Variants in MTPAP observed in about 807,000 individuals in gnomAD.
The protein encoded by MTPAP is mitochondrial poly(A) polymerase, also known as poly(A) RNA polymerase, mitochondrial.
A neutral mutation model predicts 48.7 loss-of-function variants in MTPAP; 23 were observed. That is an observed-to-expected ratio of 0.47 (90% CI 0.34 to 0.67). The LOEUF is 0.67. Ranked by LOEUF, MTPAP falls within the 30% of genes least tolerant of loss-of-function variation. The pLI is 0.01. For missense variants in MTPAP, 614 were observed against 694.3 expected, an observed-to-expected ratio of 0.88 and a Z score of 1.30; for synonymous variants, 257 against 254.1, an observed-to-expected ratio of 1.01 and a Z score of -0.11.
chr10:30,314,884 CAAAAAAAAAA>C (rs34249388), intron 8 of MTPAP, among the ~76,000 whole-genome samples: 3 of 110,746 alleles, frequency 2.7e-5, no homozygotes, highest in African/African-American at 1.0e-4. Context: ...AAAACAAAAA[CAAAAAAAAAA>C]AAAAAAAAAA....
At chr10:30,319,889 A>G (rs929587581) in intron 6 of MTPAP, among the ~76,000 whole-genome samples, 1 of 152,264 alleles carries the variant, frequency 6.6e-6, no homozygotes, top group Non-Finnish European at 1.5e-5. Flanking sequence ...TGATGTTTCA[A>G]GTGAAATATT....
chr10:30,339,663 G>A (rs1834776209), intron 3 of MTPAP, among the ~76,000 whole-genome samples: 2 of 152,262 alleles, frequency 1.3e-5, no homozygotes, highest in South Asian at 4.1e-4. Context: ...GGCGGGGAAG[G>A]AGCAGACAAG....
intron 2 of MTPAP, 72 bp downstream of exon 2, chr10:30,341,396 A>T: frequency 1.3e-6 from 2 of 1,538,286 alleles, no homozygotes; most frequent in Non-Finnish European, 1.7e-6. Flanking sequence ...AGCAACAGCA[A>T]AAAACAACTA....
chr10:30,313,434 T>C lies in MTPAP; in HGVS notation c.*175A>G, dbSNP rs1025706015. Reference sequence around the variant, plus strand: ...AAAGTGCCACTGAGTATCAGACTGATCAAACTGAAAACATCCCAGAACTTC... The same window carrying C: ...AAAGTGCCACTGAGTATCAGACTGACCAAACTGAAAACATCCCAGAACTTC... On this transcript the variant is annotated 3_prime_UTR_variant, in exon 9 of 9. Transcript: ENST00000263063. The C allele has an allele frequency of 6.9e-6, 6 of 865,966 alleles. No homozygotes were observed. The highest frequency in any genetic ancestry group is 1.1e-5 in the Non-Finnish European group (6 of 548,420). 53.6% of individuals were successfully genotyped at this position (865,966 alleles called of 1,614,324 possible).
At chr10:30,331,993 T>C (rs1329815192) in intron 4 of MTPAP, among the ~76,000 whole-genome samples, 1 of 152,062 alleles carries the variant, frequency 6.6e-6, no homozygotes, top group African/African-American at 2.4e-5. Flanking sequence ...TCAGATTGAG[T>C]TGAGGAATAA....
rs770014653 is a variant in MTPAP at position 30,312,849 on chromosome 10, T to G, written c.*760A>C. ...CATTTTAGTTAGAAACAGAATTTTA[T>G]TTTTGAAAATAGAAAAATCAAACAA... On this transcript the variant is annotated 3_prime_UTR_variant, in exon 9 of 9. Transcript: ENST00000263063. 6 of 152,188 alleles carry G rather than the reference T, an allele frequency of 3.9e-5. No homozygotes were observed. Among genetic ancestry groups the G allele is most frequent in the South Asian group, 2.1e-4 (1 of 4,826 alleles). The allele number at this position is 152,188 out of a possible 1,614,324, so 9.4% of individuals were successfully genotyped here. A position where few individuals can be genotyped will look rare whatever the true frequency, so the allele number is the denominator to read the frequency against.
At chr10:30,346,886 T>G (rs1468890955) in intron 1 of MTPAP, among the ~76,000 whole-genome samples, 1 of 152,150 alleles carries the variant, frequency 6.6e-6, no homozygotes, top group Non-Finnish European at 1.5e-5. Flanking sequence ...AACGTGGAGC[T>G]GCTGGTGACC....
intron 6 of MTPAP, among the ~76,000 whole-genome samples, chr10:30,320,455 G>A (rs1399542507): frequency 1.3e-5 from 2 of 152,104 alleles, no homozygotes; most frequent in Non-Finnish European, 2.9e-5. Flanking sequence ...CCGGGAGGTC[G>A]AGGCTATAGT....
chr10:30,345,771 G>A (rs571123362), intron 1 of MTPAP, among the ~76,000 whole-genome samples: 2 of 152,334 alleles, frequency 1.3e-5, no homozygotes, highest in South Asian at 4.1e-4. Context: ...AATAGGCCAG[G>A]TGCAGTGGCT....
At chr10:30,325,912 AGC>A (rs1834590190) in intron 5 of MTPAP, among the ~76,000 whole-genome samples, 1 of 150,910 alleles carries the variant, frequency 6.6e-6, no homozygotes, top group Non-Finnish European at 1.5e-5. Flanking sequence ...TCCGGTCTTA[AGC>A]TCTTCCAACC....
rs187373928 is a variant in MTPAP, at chr10:30,345,250, A to G, written c.158-3610T>C. 3.9e-5 allele frequency among the ~76,000 whole-genome samples: 6 copies of G among 152,366 alleles called. No homozygotes were observed. In the East Asian group the frequency reaches 1.2e-3, roughly 29 times the overall value. ...GGGACATTTTCCCGTATCAGAAGAT[A>G]CACATTTACTTTATTTCTTTTAAAA... On this transcript the variant is annotated intron_variant, in intron 1 of 8. Coordinates refer to ENST00000263063, the MANE Select transcript of MTPAP (RefSeq NM_018109.4).
intron 4 of MTPAP, among the ~76,000 whole-genome samples, chr10:30,329,999 G>GA (rs903989784): frequency 6.6e-6 from 1 of 151,600 alleles, no homozygotes; most frequent in African/African-American, 2.4e-5. Flanking sequence ...ATACGCACAG[G>GA]AAAAAAAATC....
intron 6 of MTPAP, among the ~76,000 whole-genome samples, chr10:30,317,199 A>G (rs1326261980): frequency 6.6e-6 from 1 of 152,190 alleles, no homozygotes; most frequent in Non-Finnish European, 1.5e-5. Flanking sequence ...ATGATTCCTA[A>G]TCAATTTTTG....
chr10:30,320,794 G>A lies in MTPAP; in HGVS notation c.1219+1597C>T, dbSNP rs16931385. ...TGAAGGGAGCAATCAAGATGCTTAG[G>A]AGTAGTCTACCCCAAGTTCAACTTT... On this transcript the variant is annotated intron_variant, in intron 6 of 8. Transcript: ENST00000263063. Among the ~76,000 whole-genome samples, 592 of 152,236 alleles carry A rather than the reference G, an allele frequency of 3.9e-3. 2 individuals are homozygous for A. The highest frequency in any genetic ancestry group is 0.014 in the African/African-American group (563 of 41,546).
intron 3 of MTPAP, among the ~76,000 whole-genome samples, chr10:30,337,464 C>T (rs554176501): frequency 2.0e-5 from 3 of 152,172 alleles, no homozygotes; most frequent in South Asian, 4.2e-4. Context: ...GAAGGCCAGG[C>T]GCGGTGGCTC....
In MTPAP at chr10:30,342,785, G is replaced by A. The variant is rs188098798; in HGVS notation, c.158-1145C>T. Reference sequence around the variant, plus strand: ...AACAGTGAGTTACCAACTATCATGCGCTCTGTATCAGGGAAATCAAAGAAT... The same window carrying A: ...AACAGTGAGTTACCAACTATCATGCACTCTGTATCAGGGAAATCAAAGAAT... On this transcript the variant is annotated intron_variant, in intron 1 of 8. Coordinates refer to ENST00000263063, the MANE Select transcript of MTPAP (RefSeq NM_018109.4). Among the ~76,000 whole-genome samples the A allele has an allele frequency of 1.2e-4, 19 of 152,164 alleles. No individual in the cohort carries two copies. In the East Asian group the frequency reaches 2.3e-3, roughly 19 times the overall value.
intron 5 of MTPAP, among the ~76,000 whole-genome samples, chr10:30,324,911 A>G (rs555453602): frequency 6.6e-6 from 1 of 152,032 alleles, no homozygotes; most frequent in African/African-American, 2.4e-5. Flanking sequence ...GATTGAAGCC[A>G]GGAGGCGGAG....
At chr10:30,315,085 T>C (rs924327170) in intron 8 of MTPAP, among the ~76,000 whole-genome samples, 2 of 152,196 alleles carry the variant, frequency 1.3e-5, no homozygotes, top group African/African-American at 4.8e-5. Flanking sequence ...ACTTATTTCA[T>C]GCTTGGCATC....
chr10:30,313,854 C>G lies in MTPAP; in HGVS notation c.1504G>C (p.Ala502Pro). The change falls in exon 9 of 9, where the codon GCC becomes CCC. Residue 502 changes from alanine (A) to proline (P), a missense_variant. Transcript: ENST00000263063. ...TGTAAAATCCAGGCACTTTCTCGGG[C>G]CAAATCTACAAATTTTTGCAGCTGG... ...QSQLQKFVDL[A>P]RESAWILQQE... 6.2e-7 allele frequency: 1 copy of G among 1,614,098 alleles called. No individual in the cohort carries two copies. Among genetic ancestry groups the G allele is most frequent in the Non-Finnish European group, 8.5e-7 (1 of 1,180,020 alleles).
Sources: gnomAD v4.1 joint callset for allele counts (sites outside exome capture counted in the v4.1 genomes callset) on GRCh38, gnomAD v4.1.1 for gene constraint, MANE v1.5 for transcripts, NCBI Gene and HGNC (gene_info 2026-07-23, HGNC 2026-07-21) for gene names.